Variants in AHNAK observed in about 807,000 individuals in gnomAD.
The protein encoded by AHNAK is neuroblast differentiation-associated protein AHNAK.
A neutral mutation model predicts 37.8 loss-of-function variants in AHNAK; 23 were observed. The observed-to-expected ratio is 0.61, with a 90% CI of 0.44 to 0.86. The LOEUF (loss-of-function observed/expected upper bound fraction) is 0.86, where lower values mean the gene tolerates loss of function less well. Ranked by LOEUF, AHNAK falls within the 40% of genes least tolerant of loss-of-function variation. The probability of loss-of-function intolerance (pLI) is 0.00; values close to 1 mark genes in which losing one functional copy is unlikely to be tolerated. For synonymous variants in AHNAK, 2,481 were observed against 2,636.3 expected (o/e 0.94, Z 1.80); for missense variants, 7,411 against 7,319.4 (o/e 1.01, Z -0.46).
At chr11:62,495,354 T>C (rs537039564) in intron 4 of AHNAK, among the ~76,000 whole-genome samples, 32 of 152,330 alleles carry the variant, frequency 2.1e-4, no homozygotes, top group African/African-American at 6.7e-4. Flanking sequence ...AGTTATCCTA[T>C]AGAAAGCATG....
chr11:62,536,900 G>A (rs78266665), intron 1 of AHNAK, among the ~76,000 whole-genome samples: 5,296 of 152,034 alleles, frequency 0.035, 317 homozygotes, highest in African/African-American at 0.12. Context: ...GGCAGGAGCC[G>A]CTTCACATGC....
In AHNAK at chr11:62,529,997, G is replaced by A; in HGVS notation, c.4420C>T (p.Pro1474Ser). Residue 1474 changes from proline to serine, a missense_variant, in exon 5 of 5, where the codon CCA becomes TCA. Transcript: ENST00000378024. The stretch of plus-strand genomic sequence containing the variant: ...GCTTTTATCTCTCCTTCTACTTTTG[G>A]AACTGTTACATCATAATCTCCTTTC... ...KMKGDYDVTV[P>S]KVEGEIKAPD... The A allele has an allele frequency of 6.2e-7, 1 of 1,613,896 alleles. No homozygotes were observed. Among genetic ancestry groups the A allele is most frequent in the Non-Finnish European group, 8.5e-7 (1 of 1,179,986 alleles).
At chr11:62,493,061 G>A (rs1443408890) in intron 4 of AHNAK, among the ~76,000 whole-genome samples, 3 of 147,038 alleles carry the variant, frequency 2.0e-5, no homozygotes, top group Admixed American at 6.8e-5. Flanking sequence ...TCCCAGGCTG[G>A]AGGGCAGTGG....
rs1389289339 is a variant in AHNAK at position 62,489,246 on chromosome 11, A to C, written c.442+2486T>G. Among the ~76,000 whole-genome samples, 5 of 151,778 alleles carry C rather than the reference A, an allele frequency of 3.3e-5. 1 individual carries two copies. Among genetic ancestry groups the C allele is most frequent in the African/African-American group, 1.2e-4 (5 of 41,302 alleles). On this transcript the variant is annotated intron_variant, in intron 5 of 5. Coordinates refer to the AHNAK transcript ENST00000257247. ...ACAGAGTGAGACTCCATCTCAAAAAAAAAAAAAAAAGACATAGGAGCATAG... is the reference window on the plus strand; with the variant it reads ...ACAGAGTGAGACTCCATCTCAAAAACAAAAAAAAAAGACATAGGAGCATAG...
chr11:62,445,884 C>T (rs1052305554), intron 5 of AHNAK, among the ~76,000 whole-genome samples: 3 of 151,702 alleles, frequency 2.0e-5, no homozygotes, highest in African/African-American at 7.3e-5. Flanking sequence ...GGCGTGGTAG[C>T]GGGTGCCTGT....
At position 62,531,992 on chromosome 11, in the gene AHNAK, G is replaced by C; in HGVS notation, c.2425C>G (p.Pro809Ala). Residue 809 changes from proline to alanine, a missense_variant, in exon 5 of 5, where the codon CCT (proline) becomes GCT (alanine). By Grantham distance (27) the Pro-to-Ala change is conservative. Transcript: ENST00000378024. Reference protein sequence around the residue: ...GKLKGPKFKMPEMNIKVPKIS... With the variant: ...GKLKGPKFKMAEMNIKVPKIS... ...TTGGGGACTTTGATGTTCATCTCAG[G>C]CATCTTAAACTTGGGCCCTTTCAAT... The C allele has an allele frequency of 2.5e-6, 4 of 1,614,054 alleles. No individual in the cohort carries two copies. The highest frequency in any genetic ancestry group is 2.5e-6 in the Non-Finnish European group (3 of 1,180,026).
Position 62,459,129 on chromosome 11 carries a change from C to G in AHNAK, c.443-25238G>C, listed in dbSNP as rs573534451. Among the ~76,000 whole-genome samples, 42 of 152,234 alleles carry G rather than the reference C, an allele frequency of 2.8e-4. 1 individual carries two copies. The highest frequency in any genetic ancestry group is 8.9e-4 in the African/African-American group (37 of 41,534). ...CACACAAGGGCAAGGAGCAGGGGTT[C>G]CCAAGCTCACAGGTAAGAGGGTCCC... On this transcript the variant is annotated intron_variant, in intron 5 of 5. Transcript: ENST00000257247.
intron 5 of AHNAK, among the ~76,000 whole-genome samples, chr11:62,468,438 T>C (rs1938962683): frequency 6.6e-6 from 1 of 152,010 alleles, no homozygotes; most frequent in Non-Finnish European, 1.5e-5. Context: ...TTGGGGTGCA[T>C]AATGTATGGG....
intron 5 of AHNAK, among the ~76,000 whole-genome samples, chr11:62,435,472 GC>G (rs932759069): frequency 1.9e-4 from 29 of 151,958 alleles, no homozygotes; most frequent in Middle Eastern, 3.4e-3. Context: ...ATGCAGTGGC[GC>G]GATCTTGGCT....
intron 5 of AHNAK, among the ~76,000 whole-genome samples, chr11:62,445,877 G>A (rs956724444): frequency 2.8e-4 from 43 of 151,986 alleles, no homozygotes; most frequent in Admixed American, 1.8e-3. Flanking sequence ...TTAGCTGGGC[G>A]TGGTAGCGGG....
At position 62,484,036 on chromosome 11, in the gene AHNAK, CAAAAAAAA is replaced by C. The variant is rs56402861; in HGVS notation, c.442+7688_442+7695del. 7.7e-4 allele frequency among the ~76,000 whole-genome samples: 60 copies of C among 78,246 alleles called. 7 individuals carry two copies. The East Asian group carries it at 0.01, about 13-fold the overall frequency. The allele number at this position is 78,246 out of a possible 152,430, so 51.3% of individuals were successfully genotyped here. Reference sequence around the variant, plus strand: ...TGGGCAACAGAGCGAGACTCCATCTCAAAAAAAAAAAAAAAAAAAAGAAAGGGCATGCA... The same window carrying C: ...TGGGCAACAGAGCGAGACTCCATCTCAAAAAAAAAAAAGAAAGGGCATGCA... On this transcript the variant is annotated intron_variant, in intron 5 of 5. Coordinates refer to the AHNAK transcript ENST00000257247.
chr11:62,433,923 A>C, intron 5 of AHNAK: 1 of 1,609,492 alleles, frequency 6.2e-7, no homozygotes, highest in South Asian at 1.1e-5. Flanking sequence ...ATTTATATTC[A>C]ACACACTATT....
chr11:62,495,156 G>C (rs990820702), intron 4 of AHNAK, among the ~76,000 whole-genome samples: 1 of 152,042 alleles, frequency 6.6e-6, no homozygotes, highest in African/African-American at 2.4e-5. Flanking sequence ...GACAGAGTGA[G>C]ACCACCTCCC....
chr11:62,463,234 A>G (rs1938831110), intron 5 of AHNAK, among the ~76,000 whole-genome samples: 1 of 152,114 alleles, frequency 6.6e-6, no homozygotes. Context: ...ATTCCAGGAC[A>G]ACAAGCAGTG....
rs1330991620 is a variant in AHNAK, at chr11:62,519,383, T to C, written c.15034A>G (p.Ile5012Val). The C allele has an allele frequency of 6.2e-7, 1 of 1,613,930 alleles. No homozygotes were observed. Among genetic ancestry groups the C allele is most frequent in the Non-Finnish European group, 8.5e-7 (1 of 1,179,944 alleles). The stretch of plus-strand genomic sequence containing the variant: ...TTCTTGCCCTTGCCACCAACACTAA[T>C]TTCAGGAGTCTCAAGGTTCAGCTCT... Reference protein sequence around the residue: ...EAELNLETPEISVGGKGKKSK... With the variant: ...EAELNLETPEVSVGGKGKKSK... Residue 5012 changes from isoleucine to valine, a missense_variant, in exon 5 of 5, where the codon ATT (isoleucine) becomes GTT (valine). Physicochemically the swap from Ile to Val is conservative, Grantham distance 29. Coordinates refer to ENST00000378024, the MANE Select transcript of AHNAK (RefSeq NM_001620.3).
In AHNAK at chr11:62,519,588, G is replaced by A; in HGVS notation, c.14829C>T (p.Asp4943=). 6.2e-7 allele frequency: 1 copy of A among 1,613,016 alleles called. No individual in the cohort carries two copies. Among genetic ancestry groups the A allele is most frequent in the Non-Finnish European group, 8.5e-7 (1 of 1,179,608 alleles). Reference sequence around the variant, plus strand: ...GAGCTTCAACTTTGGGTCCCTTGAGGTCCACTTCACCACCTTCTAACTTCG... The same window carrying A: ...GAGCTTCAACTTTGGGTCCCTTGAGATCCACTTCACCACCTTCTAACTTCG... ...SGPKLEGGEV[D]LKGPKVEAPS... is the part of the protein sequence containing the mutation. The change falls in exon 5 of 5, where the codon GAC becomes GAT. Residue 4943 remains aspartate, a synonymous_variant. Coordinates refer to ENST00000378024, the MANE Select transcript of AHNAK (RefSeq NM_001620.3).
In AHNAK at chr11:62,517,583, T is replaced by C. The variant is rs753836595; in HGVS notation, c.16834A>G (p.Lys5612Glu). 1.2e-6 allele frequency: 2 copies of C among 1,614,094 alleles called. No homozygotes were observed. Among genetic ancestry groups the C allele is most frequent in the Non-Finnish European group, 1.7e-6 (2 of 1,180,016 alleles). Residue 5612 changes from lysine (K) to glutamate (E), a missense_variant, in exon 5 of 5, where the codon AAG (lysine) becomes GAG (glutamate). By Grantham distance (56) the Lys-to-Glu change is moderately conservative (BLOSUM62 1). Coordinates refer to ENST00000378024, the MANE Select transcript of AHNAK (RefSeq NM_001620.3). ...GAGAAATGAAGGCCCCCAGCAAACT[T>C]AGATGTGTCCAAGTTGAGAGCAGAG... ...VSSALNLDTS[K>E]FAGGLHFSGP... is the part of the protein sequence containing the mutation.
In AHNAK at chr11:62,523,168, A is replaced by T. The variant is rs773429154; in HGVS notation, c.11249T>A (p.Ile3750Asn). ...TTTGGGGCCCTTCAGGTTTAAATCA[A>T]TGTCAGGCATCGATATTTTGGGAGC... ...LKAPKISMPDIDLNLKGPKVK... is the reference protein window; with the variant it reads ...LKAPKISMPDNDLNLKGPKVK... Residue 3750 changes from isoleucine to asparagine, a missense_variant, in exon 5 of 5, where the codon ATT becomes AAT. Physicochemically the swap from Ile to Asn is moderately radical, Grantham distance 149. Coordinates refer to ENST00000378024, the MANE Select transcript of AHNAK (RefSeq NM_001620.3). 5 of 1,613,530 alleles carry T rather than the reference A, an allele frequency of 3.1e-6. No homozygotes were observed. Among genetic ancestry groups the T allele is most frequent in the Non-Finnish European group, 4.2e-6 (5 of 1,179,898 alleles).
chr11:62,454,228 A>G (rs1435434265), intron 5 of AHNAK, among the ~76,000 whole-genome samples: 3 of 151,678 alleles, frequency 2.0e-5, no homozygotes, highest in Non-Finnish European at 1.5e-5. Flanking sequence ...CCTGGCTAAC[A>G]TGGTGAAACC....
Sources: allele counts gnomAD v4.1 joint callset (sites outside exome capture counted in the v4.1 genomes callset), GRCh38; gene constraint gnomAD v4.1.1; transcripts MANE v1.5; gene names NCBI Gene and HGNC (gene_info 2026-07-23, HGNC 2026-07-21).